The following FRMPD4 variants were observed in gnomAD, a reference collection of about 807,000 sequenced individuals.
The protein encoded by FRMPD4 is FERM and PDZ domain-containing protein 4.
FRMPD4 carries 22 observed loss-of-function variants against 94.1 expected under a neutral mutation model. The observed-to-expected ratio is 0.23, with a 90% CI of 0.17 to 0.33. The LOEUF is 0.33. FRMPD4 is among the 10% of genes least tolerant of loss of function. The pLI, the probability that FRMPD4 is intolerant of heterozygous loss-of-function variation, is 1.00. For synonymous variants in FRMPD4, 631 were observed against 548.6 expected (o/e 1.15, Z -2.10); for missense variants, 1,111 against 1,339.9 (o/e 0.83, Z 2.67).
intron 3 of FRMPD4, among the ~76,000 whole-genome samples, chrX:12,031,088 A>C (rs2054688978): frequency 8.9e-6 from 1 of 112,285 alleles, no homozygotes; most frequent in Non-Finnish European, 1.9e-5. Flanking sequence ...TAATGTAACA[A>C]CACCAATGTT....
chrX:12,481,344 C>T (rs751888457), intron 1 of FRMPD4, among the ~76,000 whole-genome samples: 129 of 111,727 alleles, frequency 1.2e-3, no homozygotes, highest in Non-Finnish European at 2.1e-3. Context: ...ACCTATTTTA[C>T]GAAGTGTCCA....
chrX:12,630,985 G>A (rs1250181002), intron 4 of FRMPD4, among the ~76,000 whole-genome samples: 1 of 111,449 alleles, frequency 9.0e-6, no homozygotes, highest in African/African-American at 3.3e-5. Context: ...TTCATTTTAT[G>A]GCTCTTAAAT....
intron 1 of FRMPD4, among the ~76,000 whole-genome samples, chrX:12,458,164 A>G (rs749526986): frequency 8.0e-5 from 9 of 111,997 alleles, no homozygotes; most frequent in Admixed American, 5.7e-4. Context: ...CAAAAACCTC[A>G]GACACACAAA....
chrX:12,545,097 A>G (rs1238687182), intron 2 of FRMPD4, among the ~76,000 whole-genome samples: 1 of 111,548 alleles, frequency 9.0e-6, no homozygotes, highest in African/African-American at 3.3e-5. Flanking sequence ...GCCTGTCACC[A>G]CAACTGGTAA....
intron 2 of FRMPD4, among the ~76,000 whole-genome samples, chrX:12,547,400 G>C (rs1163474379): frequency 1.8e-5 from 2 of 111,945 alleles, no homozygotes; most frequent in East Asian, 5.6e-4. Flanking sequence ...AGCTAAGAAT[G>C]GTTTTACCAA....
chrX:12,348,377 A>C (rs1248051358), intron 1 of FRMPD4, among the ~76,000 whole-genome samples: 2 of 111,503 alleles, frequency 1.8e-5, no homozygotes, highest in East Asian at 5.6e-4. Context: ...TATGAGTGAG[A>C]GGGAAGCAGA....
At chrX:12,268,027 CA>C (rs949615223) in intron 1 of FRMPD4, among the ~76,000 whole-genome samples, 13 of 112,792 alleles carry the variant, frequency 1.2e-4, no homozygotes, top group African/African-American at 3.5e-4. Flanking sequence ...GCAATTTGGA[CA>C]GGGTGGTCTA....
chrX:11,933,795 C>A (rs2054135318), intron 3 of FRMPD4, among the ~76,000 whole-genome samples: 2 of 111,850 alleles, frequency 1.8e-5, no homozygotes, highest in African/African-American at 6.5e-5. Flanking sequence ...GTAAATGTAG[C>A]ATCAAATTGC....
intron 1 of FRMPD4, among the ~76,000 whole-genome samples, chrX:12,390,320 T>C (rs2056458036): frequency 8.9e-6 from 1 of 112,558 alleles, no homozygotes; most frequent in Non-Finnish European, 1.9e-5. Context: ...GATATGAAGT[T>C]TTTCTGTTTA....
In FRMPD4 at chrX:12,720,736, G is replaced by C; in HGVS notation, c.4167G>C (p.Gly1389=). The stretch of plus-strand genomic sequence containing the variant: ...GCTGGCGGCCACCGGATCTGAGAGG[G>C]GGGAGCCTCAGGACACCTCCCAGCC... ...AVSWRPPDLR[G]GSLRTPPSQK... Residue 1389 remains glycine, a synonymous_variant, in exon 17 of 17, where the codon GGG becomes GGC. Transcript: ENST00000675598. The C allele has an allele frequency of 9.4e-7, 1 of 1,067,366 alleles. No individual in the cohort carries two copies. Among genetic ancestry groups the C allele is most frequent in the African/African-American group, 1.9e-5 (1 of 53,066 alleles). The allele number at this position is 1,067,366 out of a possible 1,213,427, so 88.0% of individuals were successfully genotyped here.
At chrX:12,426,824 G>A (rs2056950361) in intron 1 of FRMPD4, among the ~76,000 whole-genome samples, 1 of 110,457 alleles carries the variant, frequency 9.1e-6, no homozygotes, top group African/African-American at 3.3e-5. Context: ...ATCTTGACTT[G>A]GAAATAAAAC....
intron 1 of FRMPD4, among the ~76,000 whole-genome samples, chrX:11,848,703 TA>T (rs2094965497): frequency 9.0e-6 from 1 of 110,504 alleles, no homozygotes; most frequent in Non-Finnish European, 1.9e-5. Flanking sequence ...AACTCCCTGT[TA>T]AATCCCCTCC....
At chrX:12,431,021 C>T (rs1416181197) in intron 1 of FRMPD4, among the ~76,000 whole-genome samples, 1 of 112,255 alleles carries the variant, frequency 8.9e-6, no homozygotes. Flanking sequence ...AACCAAATTG[C>T]ACATTAAACA....
At chrX:12,209,149 A>G (rs1376053200) in intron 1 of FRMPD4, among the ~76,000 whole-genome samples, 1 of 112,022 alleles carries the variant, frequency 8.9e-6, no homozygotes, top group Non-Finnish European at 1.9e-5. Context: ...GTCTTGAATC[A>G]ATATATAAAT....
chrX:12,177,515 A>G (rs1405364337), intron 1 of FRMPD4, among the ~76,000 whole-genome samples: 1 of 112,524 alleles, frequency 8.9e-6, no homozygotes, highest in Non-Finnish European at 1.9e-5. Context: ...CTGCTTATAT[A>G]TGTACAAACT....
chrX:12,495,748 A>AT (rs1368860267), intron 1 of FRMPD4, among the ~76,000 whole-genome samples: 1 of 100,649 alleles, frequency 9.9e-6, no homozygotes, highest in Non-Finnish European at 1.9e-5. Context: ...AATAATAATA[A>AT]AAAAAAAGGT....
At chrX:12,116,918 CT>C (rs923048184) in intron 3 of FRMPD4, among the ~76,000 whole-genome samples, 3 of 112,117 alleles carry the variant, frequency 2.7e-5, no homozygotes, top group Non-Finnish European at 5.6e-5. Context: ...GCCCATTAAT[CT>C]TTTTTAAAAA....
intron 4 of FRMPD4, among the ~76,000 whole-genome samples, chrX:12,656,688 G>A (rs894924136): frequency 8.9e-6 from 1 of 112,309 alleles, no homozygotes; most frequent in Admixed American, 9.4e-5. Flanking sequence ...CGGAACTGTG[G>A]TTATCCTCAG....
intron 4 of FRMPD4, among the ~76,000 whole-genome samples, chrX:12,671,282 A>G (rs1477019890): frequency 8.9e-6 from 1 of 111,937 alleles, no homozygotes; most frequent in East Asian, 2.8e-4. Context: ...AGAAACATGC[A>G]CACGTATGTT....
Sources: allele counts gnomAD v4.1 joint callset (sites outside exome capture counted in the v4.1 genomes callset), GRCh38; gene constraint gnomAD v4.1.1; transcripts MANE v1.5; gene names NCBI Gene and HGNC (gene_info 2026-07-23, HGNC 2026-07-21).